Variants in ZNF385B observed in about 807,000 individuals in gnomAD.
ZNF385B encodes zinc finger protein 533.
In ZNF385B, 23 loss-of-function variants were observed where a neutral mutation model predicts 39.2. The observed-to-expected ratio is 0.59, with a 90% CI of 0.42 to 0.83. The LOEUF (loss-of-function observed/expected upper bound fraction) is 0.83. ZNF385B is among the 40% of genes least tolerant of loss of function. The pLI is 0.00. For synonymous variants in ZNF385B, 205 were observed against 222.6 expected (o/e 0.92, Z 0.70); for missense variants, 552 against 598.9 (o/e 0.92, Z 0.82).
intron 3 of ZNF385B, among the ~76,000 whole-genome samples, chr2:179,556,785 C>T (rs2060933774): frequency 1.3e-5 from 2 of 148,972 alleles, no homozygotes; most frequent in Admixed American, 1.3e-4. Flanking sequence ...GATGCTGATG[C>T]TTCTTTGCTG....
At chr2:179,818,058 G>A (rs1707179470) in intron 1 of ZNF385B, among the ~76,000 whole-genome samples, 1 of 152,052 alleles carries the variant, frequency 6.6e-6, no homozygotes, top group Admixed American at 6.6e-5. Context: ...GAATGTGTGT[G>A]TGTAGTATGT....
At chr2:179,694,873 T>G (rs996811534) in intron 3 of ZNF385B, among the ~76,000 whole-genome samples, 4 of 151,726 alleles carry the variant, frequency 2.6e-5, no homozygotes, top group African/African-American at 9.7e-5. Context: ...GAGGTTGCAG[T>G]GAGCCGAGAT....
intron 3 of ZNF385B, among the ~76,000 whole-genome samples, chr2:179,727,430 A>G (rs1217775154): frequency 6.6e-6 from 1 of 152,034 alleles, no homozygotes; most frequent in Non-Finnish European, 1.5e-5. Flanking sequence ...ACACTTGGGA[A>G]GTCCTATATA....
intron 1 of ZNF385B, among the ~76,000 whole-genome samples, chr2:179,821,696 C>T (rs1246494696): frequency 6.6e-6 from 1 of 151,958 alleles, no homozygotes; most frequent in African/African-American, 2.4e-5. Context: ...ACCTGTTTCC[C>T]CTCTTAGTAT....
chr2:179,574,104 C>G (rs887792600), intron 3 of ZNF385B, among the ~76,000 whole-genome samples: 14 of 151,840 alleles, frequency 9.2e-5, no homozygotes, highest in African/African-American at 3.4e-4. Context: ...GAGGAACGGG[C>G]AAATAAAAAT....
intron 3 of ZNF385B, among the ~76,000 whole-genome samples, chr2:179,571,893 T>C (rs1355454526): frequency 6.6e-6 from 1 of 152,046 alleles, no homozygotes; most frequent in Non-Finnish European, 1.5e-5. Flanking sequence ...TACCCCTCCT[T>C]CTAGACCACA....
chr2:179,792,961 C>T (rs1705436596), intron 1 of ZNF385B, among the ~76,000 whole-genome samples: 1 of 152,124 alleles, frequency 6.6e-6, no homozygotes, highest in Non-Finnish European at 1.5e-5. Flanking sequence ...GAGGGTATCA[C>T]CCAGTGTCTT....
chr2:179,599,757 C>A (rs954354132), intron 3 of ZNF385B, among the ~76,000 whole-genome samples: 1 of 152,100 alleles, frequency 6.6e-6, no homozygotes, highest in African/African-American at 2.4e-5. Flanking sequence ...ATAAGAGAAC[C>A]AAGCAGTCTC....
intron 3 of ZNF385B, among the ~76,000 whole-genome samples, chr2:179,717,272 AAT>A (rs1444613045): frequency 6.6e-6 from 1 of 152,242 alleles, no homozygotes; most frequent in Non-Finnish European, 1.5e-5. Flanking sequence ...AAGTCAAACA[AAT>A]ATACACATTC....
chr2:179,760,927 A>G (rs1316624030), intron 3 of ZNF385B, among the ~76,000 whole-genome samples: 3 of 149,380 alleles, frequency 2.0e-5, no homozygotes, highest in Non-Finnish European at 4.5e-5. Context: ...TGGTGTCAGA[A>G]TTTAGGCCTA....
chr2:179,669,613 A>T (rs1559063489), intron 3 of ZNF385B, among the ~76,000 whole-genome samples: 1 of 152,214 alleles, frequency 6.6e-6, no homozygotes, highest in Non-Finnish European at 1.5e-5. Context: ...TGAGGGGGAA[A>T]ATGAAAAAAC....
intron 3 of ZNF385B, among the ~76,000 whole-genome samples, chr2:179,657,350 A>G (rs766443196): frequency 6.6e-6 from 1 of 152,206 alleles, no homozygotes; most frequent in Non-Finnish European, 1.5e-5. Flanking sequence ...CGTGTTCCCA[A>G]CTGCTATGTG....
intron 3 of ZNF385B, among the ~76,000 whole-genome samples, chr2:179,734,454 A>G (rs988644558): frequency 6.6e-6 from 1 of 152,246 alleles, no homozygotes; most frequent in Non-Finnish European, 1.5e-5. Flanking sequence ...TTGTGCTACC[A>G]TACGGTTTGA....
chr2:179,545,956 T>C (rs2060205138), intron 3 of ZNF385B, among the ~76,000 whole-genome samples: 1 of 152,226 alleles, frequency 6.6e-6, no homozygotes, highest in South Asian at 2.1e-4. Context: ...TTGTTGACTA[T>C]AGTCAGCTTG....
chr2:179,699,449 T>C (rs1395852034), intron 3 of ZNF385B, among the ~76,000 whole-genome samples: 1 of 152,250 alleles, frequency 6.6e-6, no homozygotes, highest in African/African-American at 2.4e-5. Flanking sequence ...CTGGCACTAG[T>C]GACACACGCC....
At chr2:179,761,499 A>T (rs1027742841) in intron 3 of ZNF385B, among the ~76,000 whole-genome samples, 2 of 152,114 alleles carry the variant, frequency 1.3e-5, no homozygotes, top group Non-Finnish European at 2.9e-5. Context: ...TCATTTTATT[A>T]GGAAGTGATT....
intron 6 of ZNF385B, among the ~76,000 whole-genome samples, chr2:179,460,587 G>T (rs931746550): frequency 6.6e-6 from 1 of 152,172 alleles, no homozygotes; most frequent in African/African-American, 2.4e-5. Flanking sequence ...TACAAGATTT[G>T]TGACTTTCCC....
intron 5 of ZNF385B, among the ~76,000 whole-genome samples, chr2:179,505,888 G>A (rs919317231): frequency 6.6e-6 from 1 of 152,056 alleles, no homozygotes; most frequent in Admixed American, 6.5e-5. Flanking sequence ...TAGTTTTAAC[G>A]AATAATAAAA....
At chr2:179,733,735 G>A (rs1412343946) in intron 3 of ZNF385B, among the ~76,000 whole-genome samples, 1 of 140,764 alleles carries the variant, frequency 7.1e-6, no homozygotes, top group African/African-American at 2.7e-5. Context: ...GTAAGCCGAG[G>A]TTGTGCCACT....
Sources: allele counts gnomAD v4.1 joint callset (sites outside exome capture counted in the v4.1 genomes callset), GRCh38; gene constraint gnomAD v4.1.1; transcripts MANE v1.5; gene names NCBI Gene and HGNC (gene_info 2026-07-23, HGNC 2026-07-21).